The following RGSL1 variants were observed in gnomAD, a reference collection of about 807,000 sequenced individuals.
The protein encoded by RGSL1 is regulator of G protein signaling protein-like.
A neutral mutation model predicts 124.7 loss-of-function variants in RGSL1; 97 were observed. The observed-to-expected ratio is 0.78, with a 90% CI of 0.66 to 0.92. The LOEUF is 0.92. RGSL1 is among the 40% of genes least tolerant of loss of function. The pLI, the probability that RGSL1 is intolerant of heterozygous loss-of-function variation, is 0.00. For synonymous variants in RGSL1, 424 were observed against 438.1 expected (o/e 0.97, Z 0.40); for missense variants, 1,233 against 1,288.4 (o/e 0.96, Z 0.66).
intron 9 of RGSL1, among the ~76,000 whole-genome samples, chr1:182,505,434 C>T (rs916119687): frequency 6.6e-6 from 1 of 152,104 alleles, no homozygotes; most frequent in East Asian, 1.9e-4. Flanking sequence ...ACAATGCATC[C>T]TCATCTTTCT....
intron 8 of RGSL1, among the ~76,000 whole-genome samples, chr1:182,491,742 T>C (rs1334768986): frequency 6.6e-6 from 1 of 152,158 alleles, no homozygotes; most frequent in Non-Finnish European, 1.5e-5. Flanking sequence ...GTACTCTTTA[T>C]AGACTCAAAT....
chr1:182,473,938 G>T lies in RGSL1; in HGVS notation c.827G>T (p.Gly276Val), dbSNP rs1654063149. 6.4e-7 allele frequency: 1 copy of T among 1,552,058 alleles called. No individual in the cohort carries two copies. The highest frequency in any genetic ancestry group is 8.7e-7 in the Non-Finnish European group (1 of 1,147,064). Reference protein sequence around the residue: ...LEMDLKPDAIGMPLQETCPQE... With the variant: ...LEMDLKPDAIVMPLQETCPQE... ...ATGGATCTCAAGCCAGATGCTATTG[G>T]TATGCCCCTACAGGAGACATGTCCT... is the stretch of plus-strand genomic sequence containing the variant. The change falls in exon 6 of 22, where the codon GGT becomes GTT. Residue 276 changes from glycine to valine, a missense_variant. Physicochemically the swap from Gly to Val is moderately radical, Grantham distance 109. Transcript: ENST00000294854.
chr1:182,515,389 C>G (rs888774227), intron 9 of RGSL1, among the ~76,000 whole-genome samples: 7 of 151,432 alleles, frequency 4.6e-5, no homozygotes, highest in African/African-American at 1.5e-4. Context: ...GAGTTTGGGA[C>G]AAAAAAAGTA....
chr1:182,509,842 C>G (rs1336486204), intron 9 of RGSL1, among the ~76,000 whole-genome samples: 2 of 135,684 alleles, frequency 1.5e-5, no homozygotes, highest in African/African-American at 5.7e-5. Context: ...CCCTCCCGGA[C>G]GGGGTGGCTG....
intron 5 of RGSL1, among the ~76,000 whole-genome samples, chr1:182,473,001 C>T (rs1335126961): frequency 6.6e-6 from 1 of 152,176 alleles, no homozygotes; most frequent in Non-Finnish European, 1.5e-5. Flanking sequence ...AAAATATTTA[C>T]CATCTGGCCC....
chr1:182,460,424 G>A (rs527274628), intron 4 of RGSL1, among the ~76,000 whole-genome samples: 112 of 152,132 alleles, frequency 7.4e-4, no homozygotes, highest in Admixed American at 1.2e-3. Context: ...TGATGGACTG[G>A]GCTGTTTATC....
Position 182,489,085 on chromosome 1 carries a change from C to T in RGSL1, c.1600C>T (p.Gln534Ter). The T allele has an allele frequency of 6.4e-7, 1 of 1,551,586 alleles. No homozygotes were observed. The highest frequency in any genetic ancestry group is 8.7e-7 in the Non-Finnish European group (1 of 1,146,972). The change falls in exon 8 of 22, where the codon CAG (glutamine) becomes TAG (stop). Residue 534 changes from glutamine to a stop codon, truncating the protein, a stop_gained. Coordinates refer to ENST00000294854, the MANE Select transcript of RGSL1 (RefSeq NM_001137669.2). LOFTEE classifies it high-confidence loss of function. ...GATTCAGCAGTCTCTAGAGTTAAGCCAGGCTTTGGCTGACATGAAGGAAAT... is the reference window on the plus strand; with the variant it reads ...GATTCAGCAGTCTCTAGAGTTAAGCTAGGCTTTGGCTGACATGAAGGAAAT... ...KRIQQSLELS[Q>*]ALADMKEMDY... is the part of the protein sequence containing the mutation.
At chr1:182,530,538 T>TACACAC (rs34247322) in intron 12 of RGSL1, among the ~76,000 whole-genome samples, 177 bp downstream of exon 12, 2,899 of 149,064 alleles carry the variant, frequency 0.019, 44 homozygotes, top group African/African-American at 0.041. Context: ...CACACACACA[T>TACACAC]ACACACACAC....
chr1:182,499,586 T>C (rs1656198458), intron 9 of RGSL1, among the ~76,000 whole-genome samples: 1 of 152,228 alleles, frequency 6.6e-6, no homozygotes, highest in Non-Finnish European at 1.5e-5. Context: ...GTGAGATGAA[T>C]CTCTTGAAGA....
At chr1:182,519,093 C>G (rs1658136115) in intron 9 of RGSL1, among the ~76,000 whole-genome samples, 1 of 151,886 alleles carries the variant, frequency 6.6e-6, no homozygotes, top group African/African-American at 2.4e-5. Context: ...ATATAGATTT[C>G]CAAATGCATC....
chr1:182,460,991 T>C (rs1558232246), intron 4 of RGSL1, among the ~76,000 whole-genome samples: 1 of 152,172 alleles, frequency 6.6e-6, no homozygotes, highest in Admixed American at 6.5e-5. Context: ...TGTGCTCCGA[T>C]TGCTACTTCT....
In RGSL1 at chr1:182,499,634, C is replaced by T. The variant is rs578151362; in HGVS notation, c.1825+6505C>T. Among the ~76,000 whole-genome samples the T allele has an allele frequency of 2.4e-3, 367 of 152,274 alleles. 1 individual carries two copies. Among genetic ancestry groups the T allele is most frequent in the African/African-American group, 8.5e-3 (352 of 41,550 alleles). ...GGTCTTGCTTTTTTATCCAGCCTGCCACTCTGTGCCTTTTAATTGGGACAT... is the reference window on the plus strand; with the variant it reads ...GGTCTTGCTTTTTTATCCAGCCTGCTACTCTGTGCCTTTTAATTGGGACAT... On this transcript the variant is annotated intron_variant, in intron 9 of 21. Coordinates refer to ENST00000294854, the MANE Select transcript of RGSL1 (RefSeq NM_001137669.2).
Position 182,480,987 on chromosome 1 carries a change from A to G in RGSL1, c.1431+6445A>G, listed in dbSNP as rs1230814313. Among the ~76,000 whole-genome samples the G allele has an allele frequency of 2.0e-5, 3 of 152,186 alleles. No individual in the cohort carries two copies. The East Asian group carries it at 5.8e-4, about 29-fold the overall frequency. On this transcript the variant is annotated intron_variant, in intron 6 of 21. Coordinates refer to ENST00000294854, the MANE Select transcript of RGSL1 (RefSeq NM_001137669.2). The stretch of plus-strand genomic sequence containing the variant: ...ACTAAGATGGATGTTTATAGCAATA[A>G]ATGCCTACATTAAAAAAGAAAAATC...
chr1:182,521,429 C>A (rs1395616066), intron 9 of RGSL1, among the ~76,000 whole-genome samples: 4 of 152,156 alleles, frequency 2.6e-5, no homozygotes, highest in Admixed American at 2.6e-4. Context: ...AATAGGGAAC[C>A]AGACACCAAT....
chr1:182,473,654 G>A lies in RGSL1; in HGVS notation c.543G>A (p.Val181=), dbSNP rs754072117. ...RREILSHMQK[V]ALFKLQSYWL... is the part of the protein sequence containing the mutation. Reference sequence around the variant, plus strand: ...AGATCCTGAGCCACATGCAGAAAGTGGCTCTGTTCAAACTCCAGAGCTATT... The same window carrying A: ...AGATCCTGAGCCACATGCAGAAAGTAGCTCTGTTCAAACTCCAGAGCTATT... The change falls in exon 6 of 22, where the codon GTG becomes GTA. Residue 181 remains valine, a synonymous_variant. Transcript: ENST00000294854. 3.2e-6 allele frequency: 5 copies of A among 1,551,704 alleles called. No individual in the cohort carries two copies. Among genetic ancestry groups the A allele is most frequent in the Non-Finnish European group, 4.4e-6 (5 of 1,146,982 alleles).
chr1:182,492,364 A>G (rs1317553091), intron 8 of RGSL1, among the ~76,000 whole-genome samples: 1 of 152,172 alleles, frequency 6.6e-6, no homozygotes, highest in Non-Finnish European at 1.5e-5. Flanking sequence ...CAACAGATGG[A>G]TGCTTTGAAG....
intron 14 of RGSL1, among the ~76,000 whole-genome samples, chr1:182,539,656 C>G (rs2333146): frequency 6.6e-6 from 1 of 151,946 alleles, no homozygotes. Flanking sequence ...TGAATCCCTA[C>G]GAATAGATGT....
chr1:182,450,468 G>T, intron 1 of RGSL1: 2 of 482,870 alleles, frequency 4.1e-6, no homozygotes, highest in South Asian at 5.8e-5. Flanking sequence ...ACTGGTATGG[G>T]GTTTGAGATT....
chr1:182,503,225 C>T (rs538264571), intron 9 of RGSL1, among the ~76,000 whole-genome samples: 2 of 152,184 alleles, frequency 1.3e-5, no homozygotes, highest in East Asian at 3.9e-4. Flanking sequence ...CAGCACTGTT[C>T]ATGATAGCCA....
Sources: gnomAD v4.1 joint callset for allele counts (sites outside exome capture counted in the v4.1 genomes callset) on GRCh38, gnomAD v4.1.1 for gene constraint, MANE v1.5 for transcripts, NCBI Gene and HGNC (gene_info 2026-07-23, HGNC 2026-07-21) for gene names.